PGM1: variants seen among roughly 807,000 people sequenced by gnomAD.
The protein encoded by PGM1 is phosphoglucomutase 1.
Under a neutral mutation model 55.6 loss-of-function variants are expected in PGM1, and 52 were observed. That is an observed-to-expected ratio of 0.94 (90% CI 0.75 to 1.18). The LOEUF (loss-of-function observed/expected upper bound fraction) is 1.18. PGM1 is among the 50% of genes most tolerant of loss of function. The pLI, the probability that PGM1 is intolerant of heterozygous loss-of-function variation, is 0.00. For missense variants in PGM1, 724 were observed against 729.3 expected, an observed-to-expected ratio of 0.99 and a Z score of 0.08; for synonymous variants, 287 against 271.7, an observed-to-expected ratio of 1.06 and a Z score of -0.55.
In PGM1 at chr1:63,631,735, T is replaced by C; in HGVS notation, c.635T>C (p.Leu212Pro). The stretch of plus-strand genomic sequence containing the variant: ...GATTTCAGTGCACTGAAAGAACTAC[T>C]TTCTGGGCCAAACCGACTGAAGATC... Reference protein sequence around the residue: ...IFDFSALKELLSGPNRLKIRI... With the variant: ...IFDFSALKELPSGPNRLKIRI... The change falls in exon 4 of 11, where the codon CTT (leucine) becomes CCT (proline). Residue 212 changes from leucine to proline, a missense_variant. Physicochemically the swap from Leu to Pro is moderately conservative, Grantham distance 98. Around this residue, in one of 3 missense-constraint regions of PGM1, gnomAD observed 379 missense variants for 357.5 expected, o/e 1.06. Transcript: ENST00000371084. 6.2e-7 allele frequency: 1 copy of C among 1,613,726 alleles called. No homozygotes were observed. Among genetic ancestry groups the C allele is most frequent in the South Asian group, 1.1e-5 (1 of 91,070 alleles).
chr1:63,627,526 G>A lies in PGM1; in HGVS notation c.247-1899G>A, dbSNP rs75873744. On this transcript the variant is annotated intron_variant, in intron 1 of 10. Coordinates refer to ENST00000371084, the MANE Select transcript of PGM1 (RefSeq NM_002633.3). ...GAGGGTGATTCCCAAGAAAGAGCCT[G>A]ATCTGGAAGGGGAGTTCTTCCACCA... is the stretch of plus-strand genomic sequence containing the variant. Among the ~76,000 whole-genome samples, 39 of 152,216 alleles carry A rather than the reference G, an allele frequency of 2.6e-4. No homozygotes were observed. The South Asian group carries it at 6.4e-3, about 25-fold the overall frequency.
In PGM1 at chr1:63,659,763, C is replaced by A; in HGVS notation, c.*88C>A. ...GAGCATGACAGAAACAAAATGTATT[C>A]ACCAAGCATTTTAGGATTTGACTTT... On this transcript the variant is annotated 3_prime_UTR_variant, in exon 11 of 11. Coordinates refer to ENST00000371084, the MANE Select transcript of PGM1 (RefSeq NM_002633.3). The A allele has an allele frequency of 2.0e-6, 2 of 996,968 alleles. No homozygotes were observed. Among genetic ancestry groups the A allele is most frequent in the Non-Finnish European group, 1.6e-6 (1 of 624,788 alleles). 61.8% of individuals were successfully genotyped at this position (996,968 alleles called of 1,614,324 possible).
At chr1:63,615,550 C>CTTTTTTTTTTTTTTTTTTTTTT (rs1161161385) in intron 1 of PGM1, among the ~76,000 whole-genome samples, 8 of 62,986 alleles carry the variant, frequency 1.3e-4, no homozygotes, top group African/African-American at 4.7e-4. Flanking sequence ...TCTTCTTCTT[C>CTTTTTTTTTTTTTTTTTTTTTT]TTTTTTTTTT....
At chr1:63,594,619 A>G (rs1390446105) in intron 1 of PGM1, among the ~76,000 whole-genome samples, 1 of 151,874 alleles carries the variant, frequency 6.6e-6, no homozygotes, top group Non-Finnish European at 1.5e-5. Flanking sequence ...GGAAATTAAA[A>G]AAAAAAAGTT....
At chr1:63,642,836 T>G (rs1254215596) in intron 7 of PGM1, among the ~76,000 whole-genome samples, 2 of 152,230 alleles carry the variant, frequency 1.3e-5, no homozygotes, top group Non-Finnish European at 2.9e-5. Context: ...TAGTTTCATA[T>G]GAAAAGTCCT....
intron 1 of PGM1, among the ~76,000 whole-genome samples, chr1:63,603,665 G>T (rs1302740821): frequency 1.3e-5 from 2 of 152,138 alleles, no homozygotes; most frequent in Admixed American, 6.5e-5. Context: ...TCTAGAGTTC[G>T]AGTGGAAGAT....
intron 1 of PGM1, among the ~76,000 whole-genome samples, chr1:63,595,410 C>G (rs1023902035): frequency 5.3e-5 from 8 of 152,148 alleles, no homozygotes; most frequent in Admixed American, 1.3e-4. Flanking sequence ...AATGAACAGC[C>G]CTTGATCTTG....
rs747167891 is a variant in PGM1 at position 63,648,531 on chromosome 1, C to T, written c.1159C>T (p.Arg387Cys). The change falls in exon 8 of 11, where the codon CGT becomes TGT. Residue 387 changes from arginine (R) to cysteine (C), a missense_variant. Transcript: ENST00000371084. ...ESFGTGSDHIREKDGLWAVLA... is the reference protein window; with the variant it reads ...ESFGTGSDHICEKDGLWAVLA... The stretch of plus-strand genomic sequence containing the variant: ...CCCCCCTCCAGGTTCTGACCACATC[C>T]GTGAGAAAGATGGACTGTGGGCTGT... The T allele has an allele frequency of 6.2e-6, 10 of 1,613,932 alleles. No homozygotes were observed. Among genetic ancestry groups the T allele is most frequent in the African/African-American group, 1.3e-5 (1 of 74,896 alleles).
At chr1:63,646,523 G>A (rs1649649260) in intron 7 of PGM1, among the ~76,000 whole-genome samples, 1 of 152,060 alleles carries the variant, frequency 6.6e-6, no homozygotes, top group Admixed American at 6.5e-5. Flanking sequence ...AAACCTTAAT[G>A]GTTAAAGAAC....
intron 1 of PGM1, among the ~76,000 whole-genome samples, chr1:63,603,295 A>G (rs374711117): frequency 3.3e-5 from 5 of 152,364 alleles, no homozygotes; most frequent in Admixed American, 6.5e-5. Context: ...GTGTTGGGCC[A>G]TGTTCCAAAT....
intron 1 of PGM1, among the ~76,000 whole-genome samples, chr1:63,613,445 GCC>G (rs1276633729): frequency 6.6e-6 from 1 of 151,848 alleles, no homozygotes; most frequent in Non-Finnish European, 1.5e-5. Context: ...CTCTTTCCTT[GCC>G]TCTTCCTAGC....
In PGM1 at chr1:63,615,550, CTTTTT is replaced by C. The variant is rs1161161385; in HGVS notation, c.247-13849_247-13845del. 3.2e-3 allele frequency among the ~76,000 whole-genome samples: 200 copies of C among 62,966 alleles called. 1 individual carries two copies. The highest frequency in any genetic ancestry group is 0.018 in the Middle Eastern group (1 of 56). The allele number at this position is 62,966 out of a possible 152,430, so 41.3% of individuals were successfully genotyped here. ...CCATTTCTCTCCTCTTCTTCTTCTT[CTTTTT>C]TTTTTTTTTTTTTTTTTTTTTTTTT... On this transcript the variant is annotated intron_variant, in intron 1 of 10. Transcript: ENST00000371084.
At chr1:63,604,853 A>G (rs1429748608) in intron 1 of PGM1, among the ~76,000 whole-genome samples, 1 of 151,608 alleles carries the variant, frequency 6.6e-6, no homozygotes, top group African/African-American at 2.4e-5. Flanking sequence ...ACAAATTATC[A>G]GGCCCCCTGT....
At chr1:63,608,173 G>A (rs370507461) in intron 1 of PGM1, among the ~76,000 whole-genome samples, 4 of 152,344 alleles carry the variant, frequency 2.6e-5, no homozygotes, top group Admixed American at 6.5e-5. Context: ...GGGAGTTACT[G>A]TATTTTATAC....
rs778216306 is a variant in PGM1, at chr1:63,654,339, G to A, written c.1472G>A (p.Arg491His). 3.1e-6 allele frequency: 5 copies of A among 1,613,812 alleles called. No homozygotes were observed. Among genetic ancestry groups the A allele is most frequent in the African/African-American group, 2.7e-5 (2 of 74,926 alleles). The change falls in exon 10 of 11, where the codon CGC becomes CAC. Residue 491 changes from arginine (R) to histidine (H), a missense_variant. By Grantham distance (29) the Arg-to-His change is conservative. Coordinates refer to ENST00000371084, the MANE Select transcript of PGM1 (RefSeq NM_002633.3). ...TCTGCTTATCTTTTCCAGGGCTTGC[G>A]CCTCATTTTCACAGATGGTTCTCGA... ...DGSISRNQGL[R>H]LIFTDGSRIV...
chr1:63,644,761 G>A (rs1371148668), intron 7 of PGM1, among the ~76,000 whole-genome samples: 1 of 152,172 alleles, frequency 6.6e-6, no homozygotes, highest in Non-Finnish European at 1.5e-5. Context: ...CTCAGAAAAT[G>A]TGATTTGTCC....
intron 10 of PGM1, among the ~76,000 whole-genome samples, chr1:63,655,210 C>T (rs1450510706): frequency 6.6e-6 from 1 of 151,658 alleles, no homozygotes; most frequent in Non-Finnish European, 1.5e-5. Flanking sequence ...GAATTCCTAG[C>T]CTCAAGTAAT....
At chr1:63,651,038 C>G (rs116552955) in intron 8 of PGM1, among the ~76,000 whole-genome samples, 1 of 151,678 alleles carries the variant, frequency 6.6e-6, no homozygotes, top group East Asian at 1.9e-4. Flanking sequence ...CAAACCTGCA[C>G]GTTCTGCACA....
At chr1:63,613,731 C>G (rs11589198) in intron 1 of PGM1, among the ~76,000 whole-genome samples, 40 of 121,914 alleles carry the variant, frequency 3.3e-4, no homozygotes, top group Admixed American at 8.8e-4. Context: ...TTGGAGGGGG[C>G]GGGAGTAGTG....
Sources: gnomAD v4.1 joint callset for allele counts (sites outside exome capture counted in the v4.1 genomes callset) on GRCh38, gnomAD v4.1.1 for gene constraint, gnomAD v4.1.1 regional missense constraint, MANE v1.5 for transcripts, NCBI Gene and HGNC (gene_info 2026-07-23, HGNC 2026-07-21) for gene names.